The following DCP1A variants were observed in gnomAD, a reference collection of about 807,000 sequenced individuals.
DCP1A encodes the protein decapping mRNA 1A.
DCP1A carries 20 observed loss-of-function variants against 58.0 expected under a neutral mutation model. That is an observed-to-expected ratio of 0.34 (90% CI 0.24 to 0.50). DCP1A has a LOEUF of 0.50. Ranked by LOEUF, DCP1A falls within the 20% of genes least tolerant of loss-of-function variation. The pLI, the probability that DCP1A is intolerant of heterozygous loss-of-function variation, is 0.98. For synonymous variants in DCP1A, 285 were observed against 275.1 expected (o/e 1.04, Z -0.36); for missense variants, 613 against 712.2 (o/e 0.86, Z 1.59).
intron 3 of DCP1A, among the ~76,000 whole-genome samples, chr3:53,332,691 C>A (rs2089029931): frequency 6.6e-6 from 1 of 151,930 alleles, no homozygotes; most frequent in Admixed American, 6.6e-5. Context: ...AGTGAAACCC[C>A]ATCTTTACTA....
At chr3:53,290,599 A>T in intron 8 of DCP1A, 192 bp downstream of exon 8, 1 of 667,104 alleles carries the variant, frequency 1.5e-6, no homozygotes, top group Non-Finnish European at 2.7e-6. Flanking sequence ...CACATCCAGC[A>T]GAACTTAAAA....
chr3:53,296,157 AGTGCTGGGATTACAG>A (rs1553686737), intron 6 of DCP1A, among the ~76,000 whole-genome samples: 1 of 152,048 alleles, frequency 6.6e-6, no homozygotes, highest in African/African-American at 2.4e-5. Context: ...GGCCTCCCAA[AGTGCTGGGATTACAG>A]GCATGAGCCA....
chr3:53,328,198 G>A (rs1708164729), intron 3 of DCP1A, among the ~76,000 whole-genome samples: 1 of 152,058 alleles, frequency 6.6e-6, no homozygotes, highest in African/African-American at 2.4e-5. Flanking sequence ...ACTCAGACCT[G>A]CCTGGATCCT....
intron 4 of DCP1A, 70 bp downstream of exon 4, chr3:53,319,337 G>T: frequency 9.9e-7 from 1 of 1,006,598 alleles, no homozygotes; most frequent in South Asian, 1.8e-5. Context: ...TAGTAACAAA[G>T]AGAAGTGGGA....
chr3:53,311,400 G>A (rs1018628033), intron 5 of DCP1A, among the ~76,000 whole-genome samples: 1 of 152,182 alleles, frequency 6.6e-6, no homozygotes, highest in Non-Finnish European at 1.5e-5. Context: ...TAAAATTCCA[G>A]GAGAGTCATA....
chr3:53,302,481 G>C (rs1163167107), intron 6 of DCP1A, among the ~76,000 whole-genome samples: 1 of 152,036 alleles, frequency 6.6e-6, no homozygotes, highest in Non-Finnish European at 1.5e-5. Flanking sequence ...AAACAAAACT[G>C]TTTTACATGG....
Position 53,319,470 on chromosome 3 carries a change from G to A in DCP1A, c.308C>T (p.Ser103Leu), listed in dbSNP as rs782599555. Reference sequence around the variant, plus strand: ...GTCATAAAACCAGATACTATATATCGACACTTGAAAAACAAAGGGAAAAAA... The same window carrying A: ...GTCATAAAACCAGATACTATATATCAACACTTGAAAAACAAAGGGAAAAAA... ...PFLLYRNASL[S>L]IYSIWFYDKN... Residue 103 changes from serine to leucine, a missense_variant, in exon 4 of 10, where the codon TCG (serine) becomes TTG (leucine). Coordinates refer to ENST00000610213, the MANE Select transcript of DCP1A (RefSeq NM_018403.7). 1.9e-6 allele frequency: 3 copies of A among 1,550,302 alleles called. No individual in the cohort carries two copies. Among genetic ancestry groups the A allele is most frequent in the South Asian group, 1.2e-5 (1 of 83,926 alleles).
chr3:53,325,319 T>C (rs1553690478), intron 3 of DCP1A, among the ~76,000 whole-genome samples: 1 of 152,218 alleles, frequency 6.6e-6, no homozygotes, highest in East Asian at 1.9e-4. Flanking sequence ...ACATATGTTG[T>C]CTTTGTGATT....
In DCP1A at chr3:53,330,832, T is replaced by A. The variant is rs1261221001; in HGVS notation, c.304+11312A>T. ...ATATACACATATATATATATTTTTTTTTTTTTTGAGATGGAGTATATGTAA... is the reference window on the plus strand; with the variant it reads ...ATATACACATATATATATATTTTTTATTTTTTTGAGATGGAGTATATGTAA... On this transcript the variant is annotated intron_variant, in intron 3 of 9. Transcript: ENST00000610213. 1.0e-2 allele frequency among the ~76,000 whole-genome samples: 1,498 copies of A among 150,352 alleles called. 27 individuals carry two copies. The highest frequency in any genetic ancestry group is 0.035 in the African/African-American group (1,428 of 40,976).
chr3:53,292,949 A>G (rs1400025515), intron 6 of DCP1A, 122 bp from the exon 7 acceptor site: 1 of 990,172 alleles, frequency 1.0e-6, no homozygotes. Flanking sequence ...AAAATAAGGA[A>G]CGGAAAAAAC....
intron 4 of DCP1A, among the ~76,000 whole-genome samples, chr3:53,315,534 CA>C (rs1211486616): frequency 0.31 from 19,915 of 64,998 alleles, 706 homozygotes; most frequent in Admixed American, 0.35. Flanking sequence ...GACTCTGTCT[CA>C]AAAAAAAAAA....
At chr3:53,291,950 C>T in intron 7 of DCP1A, 119 bp downstream of exon 7, 1 of 1,147,212 alleles carries the variant, frequency 8.7e-7, no homozygotes, top group Middle Eastern at 3.0e-4. Context: ...CTCTGACATA[C>T]TTTAAAGGGA....
intron 3 of DCP1A, chr3:53,328,992 C>G (rs1708185100): frequency 5.5e-6 from 1 of 180,512 alleles, no homozygotes; most frequent in African/African-American, 2.3e-5. Flanking sequence ...GAAAGAAGTA[C>G]TGCACTGAAT....
chr3:53,318,126 A>G (rs1553689452), intron 4 of DCP1A, among the ~76,000 whole-genome samples: 1 of 152,170 alleles, frequency 6.6e-6, no homozygotes, highest in East Asian at 1.9e-4. Context: ...AAACATAGTG[A>G]GACCCTATCT....
intron 4 of DCP1A, among the ~76,000 whole-genome samples, chr3:53,315,246 A>T (rs1363114123): frequency 6.6e-6 from 1 of 152,064 alleles, no homozygotes; most frequent in East Asian, 1.9e-4. Context: ...TATTGTTAAA[A>T]AGAGTTTCTG....
In DCP1A at chr3:53,287,399, C is replaced by A; in HGVS notation, c.*181G>T. 1 of 149,846 alleles carries A rather than the reference C, an allele frequency of 6.7e-6. No individual in the cohort carries two copies. Among genetic ancestry groups the A allele is most frequent in the Non-Finnish European group, 1.3e-5 (1 of 77,562 alleles). The allele number at this position is 149,846 out of a possible 1,614,324, so 9.3% of individuals were successfully genotyped here. On this transcript the variant is annotated 3_prime_UTR_variant, in exon 10 of 10. Coordinates refer to ENST00000610213, the MANE Select transcript of DCP1A (RefSeq NM_018403.7). ...AAACAAGGATCTGCTGGTGATGCTT[C>A]ACAGTGAAACCTCCATTATCACTGA... is the stretch of plus-strand genomic sequence containing the variant.
intron 6 of DCP1A, 124 bp from the exon 7 acceptor site, chr3:53,292,951 G>A (rs1173747672): frequency 2.1e-5 from 21 of 979,124 alleles, no homozygotes; most frequent in Middle Eastern, 2.5e-4. Context: ...AATAAGGAAC[G>A]GAAAAAACTG....
intron 3 of DCP1A, among the ~76,000 whole-genome samples, chr3:53,326,297 CA>C (rs561793814): frequency 2.5e-3 from 375 of 152,298 alleles, no homozygotes; most frequent in Non-Finnish European, 4.1e-3. Flanking sequence ...TGATTACTCC[CA>C]CTTGCAAAAG....
At chr3:53,331,547 G>C (rs1271373937) in intron 3 of DCP1A, among the ~76,000 whole-genome samples, 3 of 152,232 alleles carry the variant, frequency 2.0e-5, no homozygotes, top group Non-Finnish European at 4.4e-5. Flanking sequence ...TATTCTAGGT[G>C]TGTAGGCTAT....
Sources: gnomAD v4.1 joint callset for allele counts (sites outside exome capture counted in the v4.1 genomes callset) on GRCh38, gnomAD v4.1.1 for gene constraint, MANE v1.5 for transcripts, NCBI Gene and HGNC (gene_info 2026-07-23, HGNC 2026-07-21) for gene names.